Variants in MCM6 observed in about 807,000 individuals in gnomAD.
MCM6 encodes the protein minichromosome maintenance complex component 6.
MCM6 carries 46 observed loss-of-function variants against 94.3 expected under a neutral mutation model. That is an observed-to-expected ratio of 0.49 (90% CI 0.39 to 0.62). The LOEUF (loss-of-function observed/expected upper bound fraction) is 0.62. Among genes scored for constraint, MCM6 ranks in the 20% least tolerant of loss-of-function variants. The probability of loss-of-function intolerance (pLI) is 0.00; values close to 1 mark genes in which losing one functional copy is unlikely to be tolerated. For missense variants in MCM6, 865 were observed against 1,017.9 expected (o/e 0.85, Z 2.04); for synonymous variants, 335 against 351.9 (o/e 0.95, Z 0.54).
intron 14 of MCM6, among the ~76,000 whole-genome samples, chr2:135,847,548 TTC>T (rs1679692259): frequency 6.6e-6 from 1 of 152,202 alleles, no homozygotes; most frequent in African/African-American, 2.4e-5. Context: ...TTGCTGCCTT[TTC>T]TTTTAGTCTT....
At chr2:135,855,397 G>C (rs1161254013) in intron 11 of MCM6, among the ~76,000 whole-genome samples, 2 of 152,122 alleles carry the variant, frequency 1.3e-5, no homozygotes, top group Non-Finnish European at 2.9e-5. Context: ...CAGGTGTGAT[G>C]GTGCAGGCCT....
At chr2:135,872,402 C>T (rs946392091) in intron 2 of MCM6, among the ~76,000 whole-genome samples, 4 of 152,202 alleles carry the variant, frequency 2.6e-5, no homozygotes, top group Middle Eastern at 3.4e-3. Context: ...GAGCCAAGAT[C>T]GCGCCACTGC....
At chr2:135,844,302 C>T (rs538770070) in intron 16 of MCM6, among the ~76,000 whole-genome samples, 1 of 152,154 alleles carries the variant, frequency 6.6e-6, no homozygotes, top group East Asian at 1.9e-4. Flanking sequence ...GCTTAAAACA[C>T]CTAACTAGTA....
chr2:135,856,051 A>C (rs1250693153), intron 11 of MCM6, among the ~76,000 whole-genome samples: 28 of 152,226 alleles, frequency 1.8e-4, no homozygotes, highest in Admixed American at 1.8e-3. Flanking sequence ...AAGAAGAAGA[A>C]AAGAAATTTC....
chr2:135,871,942 C>T lies in MCM6; in HGVS notation c.254+755G>A, dbSNP rs1014958903. On this transcript the variant is annotated intron_variant, in intron 2 of 16. Coordinates refer to ENST00000264156, the MANE Select transcript of MCM6 (RefSeq NM_005915.6). ...AATATATACCTATTACTTTTATAAG[C>T]GAAAACAAAATTAAACTTTAAGGGA... Among the ~76,000 whole-genome samples the T allele has an allele frequency of 2.6e-5, 4 of 152,030 alleles. No individual in the cohort carries two copies. In the East Asian group the frequency reaches 5.8e-4, roughly 22 times the overall value.
At chr2:135,873,241 G>C (rs549719050) in intron 1 of MCM6, among the ~76,000 whole-genome samples, 4 of 152,250 alleles carry the variant, frequency 2.6e-5, no homozygotes, top group Admixed American at 2.6e-4. Flanking sequence ...ATGATTGTGA[G>C]GTTTAACTGC....
chr2:135,865,103 T>A lies in MCM6; in HGVS notation c.988A>T (p.Thr330Ser). 1 of 1,583,346 alleles carries A rather than the reference T, an allele frequency of 6.3e-7. No homozygotes were observed. Among genetic ancestry groups the A allele is most frequent in the Non-Finnish European group, 8.6e-7 (1 of 1,165,698 alleles). The change falls in exon 7 of 17, where the codon ACT (threonine) becomes TCT (serine). Residue 330 changes from threonine to serine, a missense_variant. Physicochemically the swap from Thr to Ser is moderately conservative, Grantham distance 58. Around this residue, in one of 3 missense-constraint regions of MCM6, gnomAD observed 404 missense variants for 451.9 expected, o/e 0.89. Coordinates refer to ENST00000264156, the MANE Select transcript of MCM6 (RefSeq NM_005915.6). Reference sequence around the variant, plus strand: ...AACACTTTCTCCCATTCTTTCACAGTCATTTGGTTCTTAATGCTCTCAGCT... The same window carrying A: ...AACACTTTCTCCCATTCTTTCACAGACATTTGGTTCTTAATGCTCTCAGCT... ...QTAESIKNQM[T>S]VKEWEKVFEM...
intron 16 of MCM6, among the ~76,000 whole-genome samples, chr2:135,843,730 CAAAAA>C (rs55634938): frequency 1.1e-5 from 1 of 90,926 alleles, no homozygotes. Flanking sequence ...AACTCTGTCT[CAAAAA>C]AAAAAAAAAA....
chr2:135,843,500 A>T (rs970415728), intron 16 of MCM6, among the ~76,000 whole-genome samples: 32 of 152,078 alleles, frequency 2.1e-4, no homozygotes, highest in Non-Finnish European at 1.8e-4. Flanking sequence ...TGGGAGGCCA[A>T]AGTGAGCGTA....
rs1679902462 is a variant in MCM6, at chr2:135,856,949, T to C, written c.1471-66A>G. ...ATCAGCCAATAAATATATAACAACATGTTCAATCTCACCCATAATTAACTA... is the reference window on the plus strand; with the variant it reads ...ATCAGCCAATAAATATATAACAACACGTTCAATCTCACCCATAATTAACTA... On this transcript the variant is annotated intron_variant, in intron 10 of 16. Coordinates refer to ENST00000264156, the MANE Select transcript of MCM6 (RefSeq NM_005915.6). The C allele has an allele frequency of 3.6e-6, 5 of 1,406,670 alleles. No homozygotes were observed. The Admixed American group carries it at 9.0e-5, about 25-fold the overall frequency. The allele number at this position is 1,406,670 out of a possible 1,614,324, so 87.1% of individuals were successfully genotyped here. A position where few individuals can be genotyped will look rare whatever the true frequency, so the allele number is the denominator to read the frequency against.
At chr2:135,868,950 ATGTTT>A in intron 3 of MCM6, 90 bp from the exon 4 acceptor site, 2 of 1,300,506 alleles carry the variant, frequency 1.5e-6, no homozygotes, top group Admixed American at 2.1e-5. Context: ...AAGATAATTT[ATGTTT>A]AAAAAAAAAA....
chr2:135,872,590 G>C, intron 2 of MCM6, 107 bp downstream of exon 2: 1 of 1,200,422 alleles, frequency 8.3e-7, no homozygotes, highest in Non-Finnish European at 1.2e-6. Flanking sequence ...GGAAATAACT[G>C]TGAAAGCTGA....
chr2:135,854,044 C>T (rs182829439), intron 11 of MCM6, among the ~76,000 whole-genome samples: 33 of 152,100 alleles, frequency 2.2e-4, no homozygotes, highest in Admixed American at 3.3e-4. Context: ...CCAGGCAACA[C>T]GGCAAAACTC....
At position 135,840,152 on chromosome 2, in the gene MCM6, C is replaced by A. The variant is rs1679542100; in HGVS notation, c.*683G>T. ...TTTGAAAACAATCCTGAGAAATTAC[C>A]CTTAGGACACAGAAGTAAAATAAAT... On this transcript the variant is annotated 3_prime_UTR_variant, in exon 17 of 17. Coordinates refer to ENST00000264156, the MANE Select transcript of MCM6 (RefSeq NM_005915.6). 1 of 151,556 alleles carries A rather than the reference C, an allele frequency of 6.6e-6. No individual in the cohort carries two copies. The highest frequency in any genetic ancestry group is 1.5e-5 in the Non-Finnish European group (1 of 67,966). 9.4% of individuals were successfully genotyped at this position (151,556 alleles called of 1,614,324 possible).
chr2:135,855,029 G>A (rs901215455), intron 11 of MCM6, among the ~76,000 whole-genome samples: 1 of 151,904 alleles, frequency 6.6e-6, no homozygotes. Context: ...GGTGGCACAC[G>A]CCTATAATCC....
In MCM6 at chr2:135,856,968, T is replaced by C. The variant is rs1291483685; in HGVS notation, c.1471-85A>G. The C allele has an allele frequency of 6.3e-6, 8 of 1,268,368 alleles. No individual in the cohort carries two copies. The East Asian group carries it at 9.9e-5, about 16-fold the overall frequency. 78.6% of individuals were successfully genotyped at this position (1,268,368 alleles called of 1,614,324 possible). On this transcript the variant is annotated intron_variant, in intron 10 of 16. Coordinates refer to ENST00000264156, the MANE Select transcript of MCM6 (RefSeq NM_005915.6). ...ACAACATGTTCAATCTCACCCATAA[T>C]TAACTAAACACAAACCAAAATAATG...
intron 9 of MCM6, among the ~76,000 whole-genome samples, 193 bp downstream of exon 9, chr2:135,859,108 G>A (rs1316346472): frequency 2.0e-5 from 3 of 152,084 alleles, no homozygotes; most frequent in Non-Finnish European, 4.4e-5. Context: ...TGGCCAGGCT[G>A]GTCTCGAACT....
At chr2:135,869,305 G>A (rs1240431537) in intron 3 of MCM6, among the ~76,000 whole-genome samples, 1 of 151,796 alleles carries the variant, frequency 6.6e-6, no homozygotes, top group African/African-American at 2.4e-5. Flanking sequence ...GGGAGCCGAG[G>A]CAGGAGAATT....
At chr2:135,857,039 G>A (rs886334418) in intron 10 of MCM6, among the ~76,000 whole-genome samples, 156 bp from the exon 11 acceptor site, 3 of 152,084 alleles carry the variant, frequency 2.0e-5, no homozygotes, top group Non-Finnish European at 2.9e-5. Context: ...TGATTTTGGT[G>A]GTATGATGTG....
Sources: allele counts gnomAD v4.1 joint callset (sites outside exome capture counted in the v4.1 genomes callset), GRCh38; gene constraint gnomAD v4.1.1; regional missense constraint gnomAD v4.1.1; transcripts MANE v1.5; gene names NCBI Gene and HGNC (gene_info 2026-07-23, HGNC 2026-07-21).